The following GALNT17 variants were observed in gnomAD, a reference collection of about 807,000 sequenced individuals.
GALNT17 encodes the protein polypeptide N-acetylgalactosaminyltransferase 17.
Under a neutral mutation model 63.7 loss-of-function variants are expected in GALNT17, and 29 were observed. That is an observed-to-expected ratio of 0.46 (90% confidence interval 0.34 to 0.62). The LOEUF is 0.62. Among genes scored for constraint, GALNT17 ranks in the 20% least tolerant of loss-of-function variants. The pLI is 0.01. For missense variants in GALNT17, 603 were observed against 799.6 expected (o/e 0.75, Z 2.97); for synonymous variants, 305 against 318.3 (o/e 0.96, Z 0.45).
At chr7:71,501,535 T>A (rs897694004) in intron 5 of GALNT17, among the ~76,000 whole-genome samples, 3 of 152,192 alleles carry the variant, frequency 2.0e-5, no homozygotes, top group Non-Finnish European at 4.4e-5. Context: ...TCCAAAGTGG[T>A]GGGATGAGAG....
At chr7:71,313,121 A>G (rs1464690569) in intron 1 of GALNT17, among the ~76,000 whole-genome samples, 1 of 152,162 alleles carries the variant, frequency 6.6e-6, no homozygotes, top group African/African-American at 2.4e-5. Context: ...TTAAAAATAT[A>G]TATCCCATCC....
intron 6 of GALNT17, among the ~76,000 whole-genome samples, chr7:71,650,480 C>T (rs1054039738): frequency 2.0e-5 from 3 of 152,152 alleles, no homozygotes; most frequent in Non-Finnish European, 2.9e-5. Flanking sequence ...AACTCCTAGC[C>T]TCCCAAAGTG....
chr7:71,709,110 C>T (rs1791757332), intron 9 of GALNT17, among the ~76,000 whole-genome samples: 1 of 152,166 alleles, frequency 6.6e-6, no homozygotes, highest in African/African-American at 2.4e-5. Flanking sequence ...AGTAGTTCTA[C>T]TTTTAGTTCT....
chr7:71,281,300 A>G (rs1021212164), intron 1 of GALNT17, among the ~76,000 whole-genome samples: 3 of 152,196 alleles, frequency 2.0e-5, no homozygotes, highest in Non-Finnish European at 2.9e-5. Flanking sequence ...TGAGGCCAGG[A>G]GTTGGAGACC....
In GALNT17 at chr7:71,539,707, C is replaced by CTTTTTTTTT. The variant is rs71089953; in HGVS notation, c.963-31561_963-31553dup. Among the ~76,000 whole-genome samples, 89 of 71,432 alleles carry CTTTTTTTTT rather than the reference C, an allele frequency of 1.2e-3. 10 individuals carry two copies. Among genetic ancestry groups the CTTTTTTTTT allele is most frequent in the African/African-American group, 4.4e-3 (76 of 17,384 alleles). The allele number at this position is 71,432 out of a possible 152,430, so 46.9% of individuals were successfully genotyped here. On this transcript the variant is annotated intron_variant, in intron 5 of 10. Coordinates refer to ENST00000333538, the MANE Select transcript of GALNT17 (RefSeq NM_022479.3). ...ATCTATTTCAGGAGTTTAGTCCCACCTTTTTTTTTTTTTTTTTTTTTTTTT... is the reference window on the plus strand; with the variant it reads ...ATCTATTTCAGGAGTTTAGTCCCACCTTTTTTTTTTTTTTTTTTTTTTTTTTTTTTTTTT...
intron 1 of GALNT17, among the ~76,000 whole-genome samples, chr7:71,286,959 G>A (rs984005464): frequency 6.6e-6 from 1 of 151,452 alleles, no homozygotes; most frequent in Non-Finnish European, 1.5e-5. Context: ...ACTGGCTAAC[G>A]TTTTTGTATA....
At chr7:71,248,784 C>T (rs1006173718) in intron 1 of GALNT17, among the ~76,000 whole-genome samples, 1 of 152,162 alleles carries the variant, frequency 6.6e-6, no homozygotes, top group African/African-American at 2.4e-5. Context: ...TCTTCCCCAC[C>T]CACCTATAAG....
At chr7:71,340,524 G>C (rs1791989659) in intron 2 of GALNT17, among the ~76,000 whole-genome samples, 1 of 152,156 alleles carries the variant, frequency 6.6e-6, no homozygotes, top group South Asian at 2.1e-4. Context: ...GAGTTGTAAG[G>C]CTTCATCCTT....
chr7:71,531,719 A>G (rs1016733844), intron 5 of GALNT17, among the ~76,000 whole-genome samples: 6 of 152,158 alleles, frequency 3.9e-5, no homozygotes, highest in Non-Finnish European at 7.3e-5. Context: ...CCTCCCAAGT[A>G]GCTGGGACTA....
chr7:71,503,087 C>G (rs988671435), intron 5 of GALNT17, among the ~76,000 whole-genome samples: 5 of 152,130 alleles, frequency 3.3e-5, no homozygotes, highest in African/African-American at 1.2e-4. Flanking sequence ...ACTTGTTGGG[C>G]TACTTTTTTC....
intron 6 of GALNT17, among the ~76,000 whole-genome samples, chr7:71,623,395 G>GT (rs923838527): frequency 1.5e-4 from 22 of 148,374 alleles, no homozygotes; most frequent in East Asian, 6.0e-4. Flanking sequence ...CTCGGTGGTA[G>GT]TTTTTTTTCA....
chr7:71,512,789 T>C (rs916892035), intron 5 of GALNT17, among the ~76,000 whole-genome samples: 75 of 152,262 alleles, frequency 4.9e-4, no homozygotes, highest in African/African-American at 1.7e-3. Context: ...ACTTGTCTCC[T>C]TGTATGCAAG....
intron 6 of GALNT17, among the ~76,000 whole-genome samples, chr7:71,641,697 C>G (rs1448675268): frequency 2.0e-5 from 3 of 152,030 alleles, no homozygotes; most frequent in East Asian, 1.9e-4. Context: ...GATTTGAACA[C>G]ATGAATTTTG....
chr7:71,372,938 A>C lies in GALNT17; in HGVS notation c.423-15297A>C, dbSNP rs138020250. Among the ~76,000 whole-genome samples, 1,247 of 152,272 alleles carry C rather than the reference A, an allele frequency of 8.2e-3. 19 individuals carry two copies. Among genetic ancestry groups the C allele is most frequent in the African/African-American group, 0.027 (1,134 of 41,554 alleles). On this transcript the variant is annotated intron_variant, in intron 2 of 10. Transcript: ENST00000333538. ...GGCTTAGCTCTTGTTATTTTAAGGA[A>C]ACTGAGGCCCAAAAAGGAGTGATCC...
intron 1 of GALNT17, among the ~76,000 whole-genome samples, chr7:71,145,024 A>T (rs958352946): frequency 6.6e-6 from 1 of 151,892 alleles, no homozygotes. Flanking sequence ...CACTGTGCCC[A>T]TCTTGGGCTG....
intron 6 of GALNT17, among the ~76,000 whole-genome samples, chr7:71,599,604 G>A (rs1789936422): frequency 6.6e-6 from 1 of 151,858 alleles, no homozygotes; most frequent in Admixed American, 6.6e-5. Context: ...CTGAGTTGAG[G>A]ACCCTAGAGG....
chr7:71,243,876 T>C (rs58440832), intron 1 of GALNT17, among the ~76,000 whole-genome samples: 20,439 of 152,166 alleles, frequency 0.13, 1,778 homozygotes, highest in African/African-American at 0.25. Flanking sequence ...TTGGCCATGA[T>C]GAGGTCATGA....
At chr7:71,689,154 G>A (rs957113617) in intron 9 of GALNT17, among the ~76,000 whole-genome samples, 5 of 151,990 alleles carry the variant, frequency 3.3e-5, no homozygotes, top group African/African-American at 1.2e-4. Flanking sequence ...CCACTGTTGG[G>A]CCATTCTCCT....
intron 6 of GALNT17, among the ~76,000 whole-genome samples, chr7:71,606,924 G>A (rs1790055981): frequency 6.6e-6 from 1 of 152,204 alleles, no homozygotes; most frequent in Non-Finnish European, 1.5e-5. Flanking sequence ...GGTAGTGGGG[G>A]TGGAAAGTAA....
Sources: allele counts gnomAD v4.1 joint callset (sites outside exome capture counted in the v4.1 genomes callset), GRCh38; gene constraint gnomAD v4.1.1; transcripts MANE v1.5; gene names NCBI Gene and HGNC (gene_info 2026-07-23, HGNC 2026-07-21).